Variants in ELFN1 observed in about 807,000 individuals in gnomAD.
ELFN1 encodes protein ELFN1.
ELFN1 carries 6 observed loss-of-function variants against 7.6 expected under a neutral mutation model. The observed-to-expected ratio is 0.79, with a 90% CI of 0.43 to 1.56. The LOEUF (loss-of-function observed/expected upper bound fraction) is 1.56. ELFN1 is among the 40% of genes most tolerant of loss of function. The pLI is 0.01. For synonymous variants in ELFN1, 657 were observed against 588.1 expected (o/e 1.12, Z -1.70); for missense variants, 1,169 against 1,232.2 (o/e 0.95, Z 0.77).
chr7:1,700,889 G>A (rs779115687), intron 2 of ELFN1, among the ~76,000 whole-genome samples: 2 of 152,204 alleles, frequency 1.3e-5, no homozygotes, highest in Non-Finnish European at 2.9e-5. Context: ...TTGGCCGTGT[G>A]GATGCCCTCA....
chr7:1,718,490 C>G (rs527355762), intron 3 of ELFN1, among the ~76,000 whole-genome samples: 3 of 152,192 alleles, frequency 2.0e-5, no homozygotes, highest in Non-Finnish European at 4.4e-5. Flanking sequence ...GAAAGCCTTT[C>G]TTGCTAAAAG....
chr7:1,746,640 A>T lies in ELFN1; in HGVS notation c.2044A>T (p.Thr682Ser). 7.4e-7 allele frequency: 1 copy of T among 1,355,428 alleles called. No individual in the cohort carries two copies. The highest frequency in any genetic ancestry group is 4.0e-5 in the Admixed American group (1 of 25,062). The allele number at this position is 1,355,428 out of a possible 1,614,324, so 84.0% of individuals were successfully genotyped here. Residue 682 changes from threonine to serine, a missense_variant, in exon 4 of 4, where the codon ACT becomes TCT. By Grantham distance (58) the Thr-to-Ser change is moderately conservative. Transcript: ENST00000424383. ...KGSPAADAIL[T>S]VTPAAAVLRA... ...CTCCCCCGCGGCCGACGCCATCCTC[A>T]CTGTGACACCCGCGGCCGCCGTGCT...
chr7:1,718,812 T>C (rs1033840178), intron 3 of ELFN1, among the ~76,000 whole-genome samples: 1 of 152,084 alleles, frequency 6.6e-6, no homozygotes, highest in Non-Finnish European at 1.5e-5. Flanking sequence ...CTCTCGCCCA[T>C]TGATTGGTTT....
chr7:1,669,757 C>G (rs893747114), upstream of ELFN1, among the ~76,000 whole-genome samples: 2 of 152,200 alleles, frequency 1.3e-5, no homozygotes, highest in African/African-American at 4.8e-5. Context: ...TCCCTGCCCT[C>G]CCGGATAAGG....
chr7:1,701,951 T>A (rs962219998), intron 2 of ELFN1, among the ~76,000 whole-genome samples: 1 of 152,222 alleles, frequency 6.6e-6, no homozygotes, highest in African/African-American at 2.4e-5. Flanking sequence ...GTATTCAGTT[T>A]CATTTTTTCC....
intron 2 of ELFN1, chr7:1,693,970 G>A (rs986416954): frequency 7.8e-6 from 3 of 384,386 alleles, no homozygotes; most frequent in Middle Eastern, 9.7e-4. Context: ...CTTGCAGGGC[G>A]ATTGGAGCAA....
upstream of ELFN1, among the ~76,000 whole-genome samples, chr7:1,666,398 C>G (rs937997272): frequency 2.0e-5 from 3 of 151,956 alleles, no homozygotes; most frequent in African/African-American, 7.2e-5. The surrounding 1 kb of genome is among the most constrained non-coding windows in gnomAD (Gnocchi z 7.9). Context: ...TCCCCGCCCG[C>G]GGGGCTCTGG....
intron 3 of ELFN1, among the ~76,000 whole-genome samples, chr7:1,728,356 G>A (rs1005397282): frequency 6.6e-6 from 1 of 152,248 alleles, no homozygotes; most frequent in Non-Finnish European, 1.5e-5. Context: ...GCATTCTGCG[G>A]CCTTTCAGCT....
rs568056888 is a variant in ELFN1, at chr7:1,689,977, A to C, written c.-456+1827A>C. ...ATCTGGAGAGGGCATTAGGTTAGGAATTGGGGATTGGGACTCTAGCCCTAG... is the reference window on the plus strand; with the variant it reads ...ATCTGGAGAGGGCATTAGGTTAGGACTTGGGGATTGGGACTCTAGCCCTAG... On this transcript the variant is annotated intron_variant, in intron 2 of 3. Coordinates refer to ENST00000424383, the MANE Select transcript of ELFN1 (RefSeq NM_001128636.4). 6.6e-5 allele frequency among the ~76,000 whole-genome samples: 10 copies of C among 152,302 alleles called. No homozygotes were observed. In the South Asian group the frequency reaches 1.2e-3, roughly 19 times the overall value.
chr7:1,720,367 C>T (rs1489866674), intron 3 of ELFN1, among the ~76,000 whole-genome samples: 7 of 152,342 alleles, frequency 4.6e-5, no homozygotes, highest in African/African-American at 9.6e-5. Flanking sequence ...TGCTGGCTCA[C>T]GCCTGCCAGG....
At chr7:1,692,966 C>T (rs1779204470) in intron 2 of ELFN1, 1 of 242,784 alleles carries the variant, frequency 4.1e-6, no homozygotes, top group Non-Finnish European at 8.3e-6. Flanking sequence ...TGGGCCTGCG[C>T]CACGCTCTGC....
intron 3 of ELFN1, among the ~76,000 whole-genome samples, chr7:1,730,867 T>G (rs898546043): frequency 6.6e-6 from 1 of 152,184 alleles, no homozygotes; most frequent in African/African-American, 2.4e-5. Flanking sequence ...GAATTGTAAT[T>G]ATTTGCTGAC....
At chr7:1,679,165 A>G (rs577860116) in intron 1 of ELFN1, among the ~76,000 whole-genome samples, 1 of 149,284 alleles carries the variant, frequency 6.7e-6, no homozygotes, top group East Asian at 1.9e-4. Flanking sequence ...ACACGCGTGC[A>G]CACACGTACG....
chr7:1,667,342 G>A (rs1374654919), upstream of ELFN1, among the ~76,000 whole-genome samples: 1 of 152,116 alleles, frequency 6.6e-6, no homozygotes, highest in African/African-American at 2.4e-5. This position sits in a 1 kb window ranked among gnomAD's most constrained non-coding sequence, Gnocchi z 8.2. Flanking sequence ...ACATTCGCCC[G>A]CCCCTGCGGC....
chr7:1,676,375 C>T (rs895123384), intron 1 of ELFN1, among the ~76,000 whole-genome samples: 3 of 152,192 alleles, frequency 2.0e-5, no homozygotes, highest in African/African-American at 4.8e-5. Flanking sequence ...GGCTTGGCTG[C>T]AGATCATGGG....
At chr7:1,696,276 TGGAG>T (rs936611287) in intron 2 of ELFN1, among the ~76,000 whole-genome samples, 9 of 67,350 alleles carry the variant, frequency 1.3e-4, no homozygotes, top group African/African-American at 3.5e-4. Flanking sequence ...GAGAAAGAGA[TGGAG>T]AGAGAGAGAG....
At chr7:1,700,032 G>A (rs572322536) in intron 2 of ELFN1, among the ~76,000 whole-genome samples, 1 of 152,146 alleles carries the variant, frequency 6.6e-6, no homozygotes, top group Non-Finnish European at 1.5e-5. Context: ...AACTTTGGTG[G>A]TTTCCATTTT....
chr7:1,716,320 G>A (rs1238071477), intron 3 of ELFN1, among the ~76,000 whole-genome samples: 1 of 152,212 alleles, frequency 6.6e-6, no homozygotes, highest in East Asian at 1.9e-4. Flanking sequence ...GGAGGCCCCA[G>A]GGGCTCACAC....
At chr7:1,738,306 C>T (rs756595818) in intron 3 of ELFN1, among the ~76,000 whole-genome samples, 5 of 152,162 alleles carry the variant, frequency 3.3e-5, no homozygotes, top group Non-Finnish European at 7.4e-5. Context: ...GTGCACAGAC[C>T]GATGAGACCT....
Sources: allele counts gnomAD v4.1 joint callset (sites outside exome capture counted in the v4.1 genomes callset), GRCh38; gene constraint gnomAD v4.1.1; non-coding constraint Gnocchi (gnomAD v3.1); transcripts MANE v1.5; gene names NCBI Gene and HGNC (gene_info 2026-07-23, HGNC 2026-07-21).